The following DLG1 variants were observed in gnomAD, a reference collection of about 807,000 sequenced individuals.
The protein encoded by DLG1 is discs large MAGUK scaffold protein 1.
A neutral mutation model predicts 123.4 loss-of-function variants in DLG1; 42 were observed. That is an observed-to-expected ratio of 0.34 (90% CI 0.27 to 0.44). DLG1 has a LOEUF of 0.44. Ranked by LOEUF, DLG1 falls within the 20% of genes least tolerant of loss-of-function variation. The pLI is 1.00. For missense variants in DLG1, 942 were observed against 1,082.6 expected, an observed-to-expected ratio of 0.87 and a Z score of 1.82; for synonymous variants, 317 against 356.2, an observed-to-expected ratio of 0.89 and a Z score of 1.24.
intron 19 of DLG1, 79 bp downstream of exon 19, chr3:197,069,140 T>C (rs1055663244): frequency 3.3e-6 from 3 of 920,216 alleles, no homozygotes; most frequent in African/African-American, 3.4e-5. Context: ...TTTTATAACA[T>C]ATCACTCAGA....
intron 4 of DLG1, among the ~76,000 whole-genome samples, chr3:197,229,929 G>C (rs931117877): frequency 3.9e-5 from 6 of 152,182 alleles, no homozygotes; most frequent in Non-Finnish European, 8.8e-5. Flanking sequence ...CTCAAGGCTT[G>C]GAGGAGTCAC....
intron 4 of DLG1, among the ~76,000 whole-genome samples, chr3:197,199,692 A>G (rs758229316): frequency 2.0e-5 from 3 of 152,162 alleles, no homozygotes; most frequent in Non-Finnish European, 2.9e-5. Context: ...TTACACAGCA[A>G]TATTCATCTG....
At chr3:197,077,805 G>C (rs563580309) in intron 17 of DLG1, among the ~76,000 whole-genome samples, 1 of 152,250 alleles carries the variant, frequency 6.6e-6, no homozygotes, top group African/African-American at 2.4e-5. Context: ...AGGCATTCAT[G>C]TTTTGAAGGA....
At chr3:197,078,145 CAAAAAA>C (rs34391299) in intron 17 of DLG1, among the ~76,000 whole-genome samples, 1 of 119,662 alleles carries the variant, frequency 8.4e-6, no homozygotes, top group African/African-American at 3.2e-5. Context: ...AACCCCATCT[CAAAAAA>C]AAAAAAAAAA....
intron 4 of DLG1, among the ~76,000 whole-genome samples, chr3:197,199,840 T>C (rs983175340): frequency 6.6e-6 from 1 of 152,156 alleles, no homozygotes; most frequent in Non-Finnish European, 1.5e-5. Context: ...AAGTCTAACT[T>C]ACCTAACACT....
intron 3 of DLG1, among the ~76,000 whole-genome samples, chr3:197,295,494 A>C (rs1441762930): frequency 1.3e-5 from 2 of 152,042 alleles, no homozygotes; most frequent in Non-Finnish European, 2.9e-5. Context: ...AAAAAAAAAA[A>C]CTTCATTCTT....
At chr3:197,180,151 TAC>T (rs992108235) in intron 5 of DLG1, among the ~76,000 whole-genome samples, 2 of 150,836 alleles carry the variant, frequency 1.3e-5, no homozygotes, top group Non-Finnish European at 3.0e-5. Context: ...ATAGCTGCTA[TAC>T]ACACATTCAA....
At chr3:197,137,358 ACTT>A (rs1007027736) in intron 9 of DLG1, among the ~76,000 whole-genome samples, 2 of 152,194 alleles carry the variant, frequency 1.3e-5, no homozygotes, top group South Asian at 2.1e-4. Context: ...TATTATAAAC[ACTT>A]CTTCTTTTAA....
At chr3:197,148,145 T>C (rs1361519502) in intron 6 of DLG1, among the ~76,000 whole-genome samples, 1 of 148,232 alleles carries the variant, frequency 6.7e-6, no homozygotes, top group African/African-American at 2.5e-5. Flanking sequence ...ACCCCTGAAA[T>C]CCCAGCACTT....
At chr3:197,071,889 G>T (rs1560470155) in intron 18 of DLG1, among the ~76,000 whole-genome samples, 1 of 152,108 alleles carries the variant, frequency 6.6e-6, no homozygotes, top group Non-Finnish European at 1.5e-5. Flanking sequence ...ACTAAGGCTG[G>T]ACAAATGTGT....
chr3:197,137,715 A>G (rs1361901086), intron 9 of DLG1, among the ~76,000 whole-genome samples: 1 of 152,158 alleles, frequency 6.6e-6, no homozygotes, highest in Non-Finnish European at 1.5e-5. Flanking sequence ...CACACTTGTA[A>G]TACCAGCACT....
chr3:197,098,824 G>A (rs1303623503), intron 14 of DLG1, among the ~76,000 whole-genome samples: 3 of 152,182 alleles, frequency 2.0e-5, no homozygotes, highest in African/African-American at 4.8e-5. Context: ...GAGCCATTGC[G>A]CCTGGCCAAG....
At chr3:197,100,480 A>G (rs1446204042) in intron 14 of DLG1, among the ~76,000 whole-genome samples, 1 of 152,204 alleles carries the variant, frequency 6.6e-6, no homozygotes, top group Non-Finnish European at 1.5e-5. Context: ...GAGAAAATAA[A>G]TTTAACTTAT....
chr3:197,248,082 A>C (rs1474614341), intron 4 of DLG1, among the ~76,000 whole-genome samples: 1 of 152,102 alleles, frequency 6.6e-6, no homozygotes, highest in Non-Finnish European at 1.5e-5. Context: ...CTCTACACTT[A>C]ATGTGCCTGA....
intron 4 of DLG1, among the ~76,000 whole-genome samples, chr3:197,280,823 GTC>G (rs1768938403): frequency 1.3e-5 from 2 of 152,136 alleles, no homozygotes; most frequent in South Asian, 4.1e-4. Flanking sequence ...TGAAATAACT[GTC>G]TTAGTCCCTT....
At chr3:197,130,110 C>T (rs1781749895) in intron 11 of DLG1, among the ~76,000 whole-genome samples, 1 of 152,052 alleles carries the variant, frequency 6.6e-6, no homozygotes, top group South Asian at 2.1e-4. Flanking sequence ...TAAATGTAGT[C>T]TCTGTGAAGT....
intron 5 of DLG1, among the ~76,000 whole-genome samples, chr3:197,192,147 G>C (rs1719944272): frequency 1.3e-5 from 2 of 152,058 alleles, no homozygotes; most frequent in African/African-American, 4.8e-5. Context: ...ACTCCAGCCT[G>C]GGCAACAGAG....
intron 5 of DLG1, among the ~76,000 whole-genome samples, chr3:197,160,226 T>C (rs1366944114): frequency 1.3e-5 from 2 of 152,098 alleles, no homozygotes; most frequent in African/African-American, 4.8e-5. Context: ...AGTAAATAAA[T>C]GAGAGAATTC....
chr3:197,093,634 C>CT (rs1441890949), intron 14 of DLG1, among the ~76,000 whole-genome samples: 3 of 150,492 alleles, frequency 2.0e-5, no homozygotes, highest in African/African-American at 7.3e-5. Context: ...AGGTATGACT[C>CT]TTATGTACTG....
Sources: allele counts gnomAD v4.1 joint callset (sites outside exome capture counted in the v4.1 genomes callset), GRCh38; gene constraint gnomAD v4.1.1; transcripts MANE v1.5; gene names NCBI Gene and HGNC (gene_info 2026-07-23, HGNC 2026-07-21).